LRRIQ1: variants seen among roughly 807,000 people sequenced by gnomAD.
LRRIQ1 encodes the protein leucine-rich repeat- and IQ domain-containing protein 1.
LRRIQ1 carries 210 observed loss-of-function variants against 211.9 expected under a neutral mutation model. That is an observed-to-expected ratio of 0.99 (90% CI 0.89 to 1.11). The LOEUF is 1.11. Among genes scored for constraint, LRRIQ1 ranks in the 50% most tolerant of loss-of-function variants. The pLI is 0.00. For missense variants in LRRIQ1, 2,136 were observed against 1,939.5 expected, an observed-to-expected ratio of 1.10 and a Z score of -1.90; for synonymous variants, 699 against 650.1, an observed-to-expected ratio of 1.08 and a Z score of -1.14.
At chr12:85,174,059 A>T (rs1425313074) in intron 24 of LRRIQ1, among the ~76,000 whole-genome samples, 1 of 152,136 alleles carries the variant, frequency 6.6e-6, no homozygotes, top group South Asian at 2.1e-4. Flanking sequence ...GCAAATGACG[A>T]TCATTAAACA....
At chr12:85,187,210 G>A (rs1892267654) in intron 24 of LRRIQ1, among the ~76,000 whole-genome samples, 1 of 152,104 alleles carries the variant, frequency 6.6e-6, no homozygotes, top group Non-Finnish European at 1.5e-5. Flanking sequence ...TGCATGCACA[G>A]CAACCTGAAC....
chr12:85,212,929 G>A (rs962286017), intron 24 of LRRIQ1, among the ~76,000 whole-genome samples: 11 of 150,672 alleles, frequency 7.3e-5, no homozygotes, highest in African/African-American at 2.7e-4. Context: ...TATCGAATAT[G>A]GAGTCAAGAA....
At chr12:85,160,016 T>C (rs1372840497) in intron 23 of LRRIQ1, among the ~76,000 whole-genome samples, 2 of 152,016 alleles carry the variant, frequency 1.3e-5, no homozygotes, top group African/African-American at 4.8e-5. Flanking sequence ...TAATGGAAAT[T>C]GTCAGGTTGC....
chr12:85,149,162 C>A (rs544589928), intron 19 of LRRIQ1, among the ~76,000 whole-genome samples: 1 of 151,942 alleles, frequency 6.6e-6, no homozygotes, highest in South Asian at 2.1e-4. Flanking sequence ...TAATTAGATC[C>A]CGTTTGTGAA....
rs757550294 is a variant in LRRIQ1 at position 85,124,092 on chromosome 12, G to A, written c.3580G>A (p.Ala1194Thr). Residue 1194 changes from alanine (A) to threonine (T), a missense_variant, in exon 17 of 27, where the codon GCA (alanine) becomes ACA (threonine). Physicochemically the swap from Ala to Thr is moderately conservative, Grantham distance 58 (BLOSUM62 0). Coordinates refer to ENST00000393217, the MANE Select transcript of LRRIQ1 (RefSeq NM_001079910.2). ...CAGAGATGTATTTACCTTGGATACT[G>A]CAGAAAATCTCTGTCATTATTTTAA... Reference protein sequence around the residue: ...GKGDVFTLDTAENLCHYFKKL... With the variant: ...GKGDVFTLDTTENLCHYFKKL... 1 of 1,611,362 alleles carries A rather than the reference G, an allele frequency of 6.2e-7. No homozygotes were observed. The highest frequency in any genetic ancestry group is 1.1e-5 in the South Asian group (1 of 91,016).
chr12:85,055,810 AGAG>A lies in LRRIQ1; in HGVS notation c.1023_1025del (p.Glu342del). 6.3e-7 allele frequency: 1 copy of A among 1,597,240 alleles called. No homozygotes were observed. The highest frequency in any genetic ancestry group is 8.5e-7 in the Non-Finnish European group (1 of 1,169,872). On this transcript the variant is annotated inframe_deletion, in exon 8 of 27. Transcript: ENST00000393217. ...AGGAGGAAGAAAATCGAAAAAGATT[AGAG>A]GAGGAACAAAGGATAAAAGAAGAGA...
chr12:85,172,879 C>G (rs767824288), intron 24 of LRRIQ1, among the ~76,000 whole-genome samples: 1 of 151,732 alleles, frequency 6.6e-6, no homozygotes, highest in Admixed American at 6.6e-5. Context: ...GAAGCTGAGG[C>G]GGGTGGATCA....
chr12:85,231,860 T>C (rs1894957719), intron 25 of LRRIQ1, among the ~76,000 whole-genome samples: 2 of 152,122 alleles, frequency 1.3e-5, no homozygotes, highest in South Asian at 2.1e-4. Context: ...CGTTGCTACA[T>C]TGGGGATCAA....
chr12:85,208,802 A>G (rs1438768602), intron 24 of LRRIQ1, among the ~76,000 whole-genome samples: 2 of 152,186 alleles, frequency 1.3e-5, no homozygotes, highest in East Asian at 1.9e-4. Context: ...TCCAAAGGCA[A>G]CACACTTTAT....
rs764248116 is a variant in LRRIQ1 at position 85,124,463 on chromosome 12, A to G, written c.3951A>G (p.Val1317=). The change falls in exon 17 of 27, where the codon GTA becomes GTG. Residue 1317 remains valine (V), a synonymous_variant. Coordinates refer to ENST00000393217, the MANE Select transcript of LRRIQ1 (RefSeq NM_001079910.2). ...CCATAAGAATCCCATTTAAGGAAGT[A>G]GTAATGACAAATTCTTTGCTGAGGA... is the stretch of plus-strand genomic sequence containing the variant. ...IPTIRIPFKE[V]VMTNSLLRNH... is the part of the protein sequence containing the mutation. 6 of 1,613,834 alleles carry G rather than the reference A, an allele frequency of 3.7e-6. No individual in the cohort carries two copies. In the East Asian group the frequency reaches 6.7e-5, roughly 18 times the overall value.
chr12:85,133,236 C>A (rs1888896150), intron 18 of LRRIQ1, among the ~76,000 whole-genome samples: 1 of 151,762 alleles, frequency 6.6e-6, no homozygotes, highest in East Asian at 1.9e-4. Flanking sequence ...TAATTTTGAC[C>A]TTTCTTGAAA....
chr12:85,251,622 G>A (rs933303145), intron 1 of LRRIQ1, among the ~76,000 whole-genome samples: 1 of 151,810 alleles, frequency 6.6e-6, no homozygotes, highest in Non-Finnish European at 1.5e-5. Flanking sequence ...AAGAAATTTG[G>A]AGTAGACCAT....
intron 3 of LRRIQ1, among the ~76,000 whole-genome samples, chr12:85,042,422 A>C (rs1248008778): frequency 1.3e-5 from 2 of 148,368 alleles, no homozygotes; most frequent in Non-Finnish European, 3.0e-5. Context: ...AATTAAGTAT[A>C]AATTATTAAA....
intron 15 of LRRIQ1, among the ~76,000 whole-genome samples, chr12:85,107,439 CT>C (rs1886862842): frequency 1.3e-5 from 2 of 152,058 alleles, no homozygotes. Flanking sequence ...TCTTGTCTTT[CT>C]TTCTCTAAGA....
intron 11 of LRRIQ1, among the ~76,000 whole-genome samples, chr12:85,092,580 C>T (rs1342094287): frequency 6.6e-6 from 1 of 152,172 alleles, no homozygotes. Context: ...AAGATTTCCA[C>T]TTAAATCACG....
Position 85,244,890 on chromosome 12 carries a change from A to G in LRRIQ1, c.5118A>G (p.Arg1706=). The G allele has an allele frequency of 6.2e-7, 1 of 1,611,690 alleles. No homozygotes were observed. The change falls in exon 27 of 27, where the codon AGA becomes AGG. Residue 1706 remains arginine (R), a synonymous_variant. Coordinates refer to ENST00000393217, the MANE Select transcript of LRRIQ1 (RefSeq NM_001079910.2). Reference sequence around the variant, plus strand: ...GAGAAAAAAAAAATCAGGCACACAGACACTCAGCAGGATCTTCAAGTAAGT... The same window carrying G: ...GAGAAAAAAAAAATCAGGCACACAGGCACTCAGCAGGATCTTCAAGTAAGT... ...VNREKKNQAH[R]HSAGSSSKLW... is the part of the protein sequence containing the mutation.
At chr12:85,122,369 C>A (rs143468719) in intron 16 of LRRIQ1, among the ~76,000 whole-genome samples, 76 of 152,188 alleles carry the variant, frequency 5.0e-4, no homozygotes, top group Admixed American at 1.2e-3. Context: ...GCAGTCAGCA[C>A]TTGCACCCAT....
At chr12:85,145,543 T>A (rs1484869728) in intron 19 of LRRIQ1, among the ~76,000 whole-genome samples, 1 of 151,628 alleles carries the variant, frequency 6.6e-6, no homozygotes, top group East Asian at 1.9e-4. Flanking sequence ...ATAGAAGGAA[T>A]GAAACTTCAA....
Position 85,137,917 on chromosome 12 carries a change from A to G in LRRIQ1, c.4277A>G (p.Glu1426Gly). ...TTALEAIKNE[E>G]SDEEYREIDL... ...GCTCTAGAGGCTATTAAGAATGAAGAATCCGATGAAGAATACAGAGAAATA... is the reference window on the plus strand; with the variant it reads ...GCTCTAGAGGCTATTAAGAATGAAGGATCCGATGAAGAATACAGAGAAATA... Residue 1426 changes from glutamate to glycine, a missense_variant, in exon 19 of 27, where the codon GAA becomes GGA. Coordinates refer to ENST00000393217, the MANE Select transcript of LRRIQ1 (RefSeq NM_001079910.2). 1.3e-6 allele frequency: 2 copies of G among 1,550,204 alleles called. No individual in the cohort carries two copies. The highest frequency in any genetic ancestry group is 1.8e-6 in the Non-Finnish European group (2 of 1,126,344).
Sources: allele counts gnomAD v4.1 joint callset (sites outside exome capture counted in the v4.1 genomes callset), GRCh38; gene constraint gnomAD v4.1.1; transcripts MANE v1.5; gene names NCBI Gene and HGNC (gene_info 2026-07-23, HGNC 2026-07-21).